The following ARFGEF3 variants were observed in gnomAD, a reference collection of about 807,000 sequenced individuals.
ARFGEF3 encodes the protein brefeldin A-inhibited guanine nucleotide-exchange protein 3.
ARFGEF3 carries 96 observed loss-of-function variants against 221.7 expected under a neutral mutation model. The ratio of observed to expected loss-of-function variants is 0.43; its 90% confidence interval spans 0.37 to 0.51. ARFGEF3 has a LOEUF of 0.51. ARFGEF3 is among the 20% of genes least tolerant of loss of function. ARFGEF3 has a pLI of 0.00. For synonymous variants in ARFGEF3, 1,145 were observed against 1,126.8 expected (o/e 1.02, Z -0.32); for missense variants, 2,410 against 2,789.9 (o/e 0.86, Z 3.07).
rs560569445 is a variant in ARFGEF3 at position 138,311,353 on chromosome 6, AG to A, written c.4097-48del. 2.4e-4 allele frequency: 273 copies of A among 1,126,556 alleles called. 1 individual carries two copies. In the African/African-American group the frequency reaches 3.8e-3, roughly 16 times the overall value. 69.8% of individuals were successfully genotyped at this position (1,126,556 alleles called of 1,614,324 possible). ...TGTGAGTAAACAGGTCTCCTGTTAC[AG>A]GGGGGCACGCAAGGGTAACACTGTT... On this transcript the variant is annotated intron_variant, in intron 24 of 33. Transcript: ENST00000251691.
intron 12 of ARFGEF3, among the ~76,000 whole-genome samples, chr6:138,273,620 A>G (rs547721615): frequency 6.6e-6 from 1 of 152,306 alleles, no homozygotes; most frequent in South Asian, 2.1e-4. Context: ...AAGCAAGTAG[A>G]GCGTGGCTAG....
intron 4 of ARFGEF3, among the ~76,000 whole-genome samples, chr6:138,211,328 A>T (rs968228229): frequency 2.6e-5 from 4 of 152,210 alleles, no homozygotes; most frequent in Admixed American, 2.0e-4. Flanking sequence ...CACAATGAAC[A>T]TGATGATGCC....
In ARFGEF3 at chr6:138,263,548, T is replaced by G. The variant is rs7764091; in HGVS notation, c.2065T>G (p.Ser689Ala). The G allele has an allele frequency of 0.12, 200,929 of 1,612,646 alleles. 21,229 individuals are homozygous for G. The highest frequency in any genetic ancestry group is 0.51 in the African/African-American group (37,918 of 74,932). Reference protein sequence around the residue: ...SLEGLLPRLLSLSNVEEVDTA... With the variant: ...SLEGLLPRLLALSNVEEVDTA... ...GGAAGGCCTCCTCCCTCGGCTCCTG[T>G]CTCTCTCCAATGTAGAGGAGGTGGA... The change falls in exon 12 of 34, where the codon TCT becomes GCT. Residue 689 changes from serine (S) to alanine (A), a missense_variant. Physicochemically the swap from Ser to Ala is moderately conservative, Grantham distance 99. Transcript: ENST00000251691.
intron 2 of ARFGEF3, among the ~76,000 whole-genome samples, chr6:138,187,828 C>T (rs373705077): frequency 6.6e-6 from 1 of 152,244 alleles, no homozygotes; most frequent in Non-Finnish European, 1.5e-5. Context: ...GTCAAGTCAC[C>T]CTACTAAAAA....
chr6:138,322,567 C>T (rs1374779750), intron 29 of ARFGEF3, among the ~76,000 whole-genome samples: 2 of 152,048 alleles, frequency 1.3e-5, no homozygotes, highest in African/African-American at 4.8e-5. Context: ...GAGGCCGAGG[C>T]AGGCAGATCA....
chr6:138,230,661 A>C lies in ARFGEF3; in HGVS notation c.420+809A>C, dbSNP rs1778175266. 2.6e-5 allele frequency among the ~76,000 whole-genome samples: 4 copies of C among 152,326 alleles called. 1 individual carries two copies. The Middle Eastern group carries it at 0.014, about 518-fold the overall frequency. ...TTTATGGTATCATGTGGTATTAAAC[A>C]GTGAAAATTAAGAGAAAATTATTTT... On this transcript the variant is annotated intron_variant, in intron 5 of 33. Transcript: ENST00000251691.
intron 12 of ARFGEF3, among the ~76,000 whole-genome samples, chr6:138,264,547 C>A (rs1409892390): frequency 1.3e-5 from 2 of 152,170 alleles, no homozygotes; most frequent in Non-Finnish European, 2.9e-5. Flanking sequence ...TGCTAAAAAG[C>A]CATGATCACC....
At chr6:138,227,899 G>GCCA (rs1562360697) in intron 4 of ARFGEF3, among the ~76,000 whole-genome samples, 2 of 152,192 alleles carry the variant, frequency 1.3e-5, no homozygotes, top group Non-Finnish European at 2.9e-5. Flanking sequence ...AGCCAATCAA[G>GCCA]CCACGTGGCA....
chr6:138,243,916 C>T (rs1262590389), intron 7 of ARFGEF3, among the ~76,000 whole-genome samples: 2 of 152,182 alleles, frequency 1.3e-5, no homozygotes, highest in Non-Finnish European at 2.9e-5. Flanking sequence ...GTGCCCTTTT[C>T]AGTTGGATGC....
rs1259318484 is a variant in ARFGEF3 at position 138,341,112 on chromosome 6, G to C, written c.*4626G>C. On this transcript the variant is annotated 3_prime_UTR_variant, in exon 34 of 34. Coordinates refer to ENST00000251691, the MANE Select transcript of ARFGEF3 (RefSeq NM_020340.5). Reference sequence around the variant, plus strand: ...GCTATTAACACAGAAGAACATGGCAGTGTGTGTCTGGAACGGCATGCACAA... The same window carrying C: ...GCTATTAACACAGAAGAACATGGCACTGTGTGTCTGGAACGGCATGCACAA... 1 of 152,420 alleles carries C rather than the reference G, an allele frequency of 6.6e-6. No homozygotes were observed. The highest frequency in any genetic ancestry group is 2.4e-5 in the African/African-American group (1 of 41,450). The allele number at this position is 152,420 out of a possible 1,614,324, so 9.4% of individuals were successfully genotyped here.
At chr6:138,250,965 C>T (rs180931024) in intron 8 of ARFGEF3, among the ~76,000 whole-genome samples, 4 of 152,304 alleles carry the variant, frequency 2.6e-5, no homozygotes, top group Admixed American at 6.5e-5. Context: ...ATACATGCTG[C>T]GTACGTGCGT....
intron 12 of ARFGEF3, among the ~76,000 whole-genome samples, chr6:138,270,942 T>C (rs1778993398): frequency 6.6e-6 from 1 of 151,990 alleles, no homozygotes; most frequent in Admixed American, 6.6e-5. Context: ...GCAGGAGGCA[T>C]TGGGGTGAAG....
intron 12 of ARFGEF3, among the ~76,000 whole-genome samples, chr6:138,267,504 GA>G (rs1444843089): frequency 1.3e-5 from 2 of 152,202 alleles, no homozygotes; most frequent in African/African-American, 4.8e-5. Context: ...TTAGCTCTCA[GA>G]TAACTTCTTT....
chr6:138,332,899 G>A (rs1359740804), intron 32 of ARFGEF3, among the ~76,000 whole-genome samples: 2 of 152,178 alleles, frequency 1.3e-5, no homozygotes, highest in African/African-American at 4.8e-5. Flanking sequence ...AAAGGGCAAA[G>A]TTAACATTGA....
intron 12 of ARFGEF3, among the ~76,000 whole-genome samples, chr6:138,266,713 G>A (rs1026277488): frequency 2.0e-5 from 3 of 151,860 alleles, no homozygotes; most frequent in Admixed American, 6.6e-5. Flanking sequence ...GCTGGGCGTG[G>A]TGGCAGGCGC....
At chr6:138,270,329 A>G (rs1778979912) in intron 12 of ARFGEF3, among the ~76,000 whole-genome samples, 1 of 152,044 alleles carries the variant, frequency 6.6e-6, no homozygotes, top group African/African-American at 2.4e-5. Context: ...TCCATTCTTG[A>G]ATGTTGTCTC....
intron 25 of ARFGEF3, 87 bp from the exon 26 acceptor site, chr6:138,313,708 C>T: frequency 9.5e-7 from 1 of 1,051,422 alleles, no homozygotes; most frequent in Non-Finnish European, 1.4e-6. Flanking sequence ...CCTTTTAGTA[C>T]TAGTGTATAA....
chr6:138,328,833 T>G (rs1442497155), intron 32 of ARFGEF3, among the ~76,000 whole-genome samples: 1 of 151,804 alleles, frequency 6.6e-6, no homozygotes, highest in Non-Finnish European at 1.5e-5. Flanking sequence ...TACAAAAAAG[T>G]AAAAAAATAA....
At chr6:138,219,118 A>C (rs931695076) in intron 4 of ARFGEF3, among the ~76,000 whole-genome samples, 3 of 152,212 alleles carry the variant, frequency 2.0e-5, no homozygotes, top group Non-Finnish European at 2.9e-5. Context: ...AATCAGGAGA[A>C]GAGTTCAGGA....
Sources: gnomAD v4.1 joint callset for allele counts (sites outside exome capture counted in the v4.1 genomes callset) on GRCh38, gnomAD v4.1.1 for gene constraint, MANE v1.5 for transcripts, NCBI Gene and HGNC (gene_info 2026-07-23, HGNC 2026-07-21) for gene names.